OSBPL6: variants seen among roughly 807,000 people sequenced by gnomAD.
OSBPL6 encodes oxysterol binding protein like 6, also known as oxysterol-binding protein-related protein 6.
OSBPL6 carries 49 observed loss-of-function variants against 125.8 expected under a neutral mutation model. The ratio of observed to expected loss-of-function variants is 0.39; its 90% CI spans 0.31 to 0.49. OSBPL6 has a LOEUF of 0.49. Ranked by LOEUF, OSBPL6 falls within the 20% of genes least tolerant of loss-of-function variation. The pLI is 0.88. For missense variants in OSBPL6, 986 were observed against 1,135.4 expected, an observed-to-expected ratio of 0.87 and a Z score of 1.89; for synonymous variants, 394 against 391.8, an observed-to-expected ratio of 1.01 and a Z score of -0.07.
At position 178,383,038 on chromosome 2, in the gene OSBPL6, C is replaced by T; in HGVS notation, c.1636C>T (p.Leu546Phe). 1 of 1,614,158 alleles carries T rather than the reference C, an allele frequency of 6.2e-7. No individual in the cohort carries two copies. The highest frequency in any genetic ancestry group is 8.5e-7 in the Non-Finnish European group (1 of 1,180,008). Residue 546 changes from leucine to phenylalanine, a missense_variant, in exon 17 of 25, where the codon CTT (leucine) becomes TTT (phenylalanine). Transcript: ENST00000190611. ...NISRQILNGE[L>F]TGGAFRNGRR... ...CCTTCTTCCAGTCCTGAATGGGGAGCTTACAGGAGGGGCCTTCCGAAATGG... is the reference window on the plus strand; with the variant it reads ...CCTTCTTCCAGTCCTGAATGGGGAGTTTACAGGAGGGGCCTTCCGAAATGG...
intron 1 of OSBPL6, among the ~76,000 whole-genome samples, chr2:178,227,371 C>T (rs530992772): frequency 4.0e-4 from 61 of 152,282 alleles, no homozygotes; most frequent in Non-Finnish European, 7.8e-4. Flanking sequence ...GTTGTAACAA[C>T]CACAGAAAAT....
intron 11 of OSBPL6, among the ~76,000 whole-genome samples, chr2:178,347,263 G>A (rs1690810419): frequency 6.6e-6 from 1 of 152,104 alleles, no homozygotes. Context: ...AGCCATGTGA[G>A]TCCTCAGAGT....
chr2:178,374,031 T>C lies in OSBPL6; in HGVS notation c.1533+4T>C. 1.9e-6 allele frequency: 3 copies of C among 1,613,750 alleles called. No homozygotes were observed. The highest frequency in any genetic ancestry group is 2.5e-6 in the Non-Finnish European group (3 of 1,179,780). ...TGCAAGTTCGTCAGAGAATGAGGTA[T>C]GTATGCCTCCTTGACTTGTTGGCCT... On this transcript the variant is annotated splice_donor_region_variant and intron_variant, in intron 15 of 24. Coordinates refer to ENST00000190611, the MANE Select transcript of OSBPL6 (RefSeq NM_032523.4).
intron 18 of OSBPL6, 38 bp downstream of exon 18, chr2:178,384,214 T>G: frequency 6.3e-7 from 1 of 1,595,930 alleles, no homozygotes; most frequent in Non-Finnish European, 8.6e-7. Flanking sequence ...TCTATATAGG[T>G]AAGAGGACAG....
Position 178,330,079 on chromosome 2 carries a change from G to A in OSBPL6, c.319-1473G>A, listed in dbSNP as rs188617518. ...CACTGTCGTTCTTCCTGAGATTTTC[G>A]CCAATTGGCCATCCTCCTTCCTACA... On this transcript the variant is annotated intron_variant, in intron 5 of 24. Coordinates refer to ENST00000190611, the MANE Select transcript of OSBPL6 (RefSeq NM_032523.4). Among the ~76,000 whole-genome samples, 334 of 152,058 alleles carry A rather than the reference G, an allele frequency of 2.2e-3. 1 individual carries two copies. Among genetic ancestry groups the A allele is most frequent in the African/African-American group, 7.5e-3 (312 of 41,472 alleles).
intron 1 of OSBPL6, among the ~76,000 whole-genome samples, chr2:178,200,298 C>A (rs2089177254): frequency 7.0e-6 from 1 of 143,476 alleles, no homozygotes; most frequent in Non-Finnish European, 1.5e-5. Context: ...GTCACCCAGG[C>A]CCGAGTGCAG....
chr2:178,212,680 T>A (rs2089914426), intron 1 of OSBPL6, among the ~76,000 whole-genome samples: 1 of 152,260 alleles, frequency 6.6e-6, no homozygotes, highest in Admixed American at 6.5e-5. Flanking sequence ...GGTTTTCCCC[T>A]TACACTTGGT....
intron 1 of OSBPL6, among the ~76,000 whole-genome samples, chr2:178,258,892 T>A (rs995541050): frequency 3.3e-5 from 5 of 152,224 alleles, no homozygotes; most frequent in South Asian, 2.1e-4. Context: ...TGGTTTTTTT[T>A]AATCAGGAAT....
At chr2:178,367,436 T>C (rs1692942858) in intron 13 of OSBPL6, among the ~76,000 whole-genome samples, 1 of 152,248 alleles carries the variant, frequency 6.6e-6, no homozygotes, top group African/African-American at 2.4e-5. Flanking sequence ...TTTAAATTTA[T>C]GATGATTTCA....
rs928316072 is a variant in OSBPL6 at position 178,208,403 on chromosome 2, G to C, written c.-351+13729G>C. On this transcript the variant is annotated intron_variant, in intron 1 of 24. Transcript: ENST00000190611. ...AAAAAAATGCTCTTAAAATTTGCTC[G>C]AAGTTATTACCTCTTAAATTAGACT... Among the ~76,000 whole-genome samples the C allele has an allele frequency of 2.6e-5, 4 of 151,892 alleles. No homozygotes were observed. In the South Asian group the frequency reaches 6.2e-4, roughly 24 times the overall value.
chr2:178,291,306 G>A (rs751015277), intron 2 of OSBPL6, among the ~76,000 whole-genome samples: 10 of 152,116 alleles, frequency 6.6e-5, no homozygotes, highest in Admixed American at 6.6e-4. Flanking sequence ...TCATACGCAG[G>A]TGTTCCAGGA....
intron 13 of OSBPL6, among the ~76,000 whole-genome samples, chr2:178,363,655 T>C (rs1358990166): frequency 2.0e-5 from 3 of 152,334 alleles, no homozygotes; most frequent in African/African-American, 2.4e-5. Context: ...AAGGGTCTGA[T>C]GCTAACATGA....
chr2:178,315,125 T>C (rs147255317), intron 3 of OSBPL6, among the ~76,000 whole-genome samples: 68 of 152,338 alleles, frequency 4.5e-4, no homozygotes, highest in African/African-American at 1.5e-3. Flanking sequence ...TTTCTCAATT[T>C]TTTGCATTTT....
At chr2:178,198,194 G>T (rs1160665070) in intron 1 of OSBPL6, among the ~76,000 whole-genome samples, 1 of 152,134 alleles carries the variant, frequency 6.6e-6, no homozygotes, top group Non-Finnish European at 1.5e-5. Flanking sequence ...TGGAGAAAAT[G>T]AAAAGGATTA....
chr2:178,309,279 C>T (rs969266939), intron 3 of OSBPL6, among the ~76,000 whole-genome samples: 5 of 149,848 alleles, frequency 3.3e-5, no homozygotes, highest in African/African-American at 1.3e-4. Flanking sequence ...GTACTGATCT[C>T]CTCATCTGTA....
In OSBPL6 at chr2:178,394,390, G is replaced by A. The variant is rs757670594; in HGVS notation, c.2651G>A (p.Arg884Gln). The change falls in exon 24 of 25, where the codon CGA (arginine) becomes CAA (glutamine). Residue 884 changes from arginine (R) to glutamine (Q), a missense_variant. Coordinates refer to ENST00000190611, the MANE Select transcript of OSBPL6 (RefSeq NM_032523.4). Reference protein sequence around the residue: ...RVEELQRSRRRYMEENNLEHI... With the variant: ...RVEELQRSRRQYMEENNLEHI... ...GAGGAACTCCAGAGATCTCGGAGAC[G>A]ATATATGGAAGAAAACAATCTTGAA... is the stretch of plus-strand genomic sequence containing the variant. The A allele has an allele frequency of 1.1e-5, 17 of 1,613,078 alleles. No homozygotes were observed. Among genetic ancestry groups the A allele is most frequent in the African/African-American group, 1.3e-5 (1 of 74,812 alleles).
chr2:178,390,876 A>G (rs567003142), intron 21 of OSBPL6, among the ~76,000 whole-genome samples, 197 bp from the exon 22 acceptor site: 2 of 152,368 alleles, frequency 1.3e-5, no homozygotes, highest in South Asian at 4.1e-4. Flanking sequence ...TGCGTGGAAT[A>G]GAGACCATCC....
rs1301355537 is a variant in OSBPL6, at chr2:178,361,807, C to T, written c.1279C>T (p.Leu427=). The change falls in exon 13 of 25, where the codon CTG becomes TTG. Residue 427 remains leucine, a synonymous_variant. Transcript: ENST00000190611. ...STQMARLRQS[L]SQALNQNAEL... ...GCAGATGGCACGGCTCCGACAGTCA[C>T]TGTCTCAGGTAGGCAAAGAGTGTGT... The T allele has an allele frequency of 1.9e-6, 3 of 1,614,028 alleles. No individual in the cohort carries two copies. The highest frequency in any genetic ancestry group is 1.7e-4 in the Middle Eastern group (1 of 6,056).
At chr2:178,308,612 A>G (rs1686993502) in intron 3 of OSBPL6, among the ~76,000 whole-genome samples, 1 of 152,188 alleles carries the variant, frequency 6.6e-6, no homozygotes, top group Non-Finnish European at 1.5e-5. Flanking sequence ...ACTTAAATGC[A>G]CTGCCGCTTG....
Sources: allele counts gnomAD v4.1 joint callset (sites outside exome capture counted in the v4.1 genomes callset), GRCh38; gene constraint gnomAD v4.1.1; transcripts MANE v1.5; gene names NCBI Gene and HGNC (gene_info 2026-07-23, HGNC 2026-07-21).